Variants in SLCO2A1 observed in about 807,000 individuals in gnomAD.
SLCO2A1 encodes solute carrier organic anion transporter family member 2A1.
Under a neutral mutation model 71.7 loss-of-function variants are expected in SLCO2A1, and 60 were observed. The ratio of observed to expected loss-of-function variants is 0.84; its 90% CI spans 0.68 to 1.04. SLCO2A1 has a LOEUF of 1.04. Among genes scored for constraint, SLCO2A1 ranks in the 50% least tolerant of loss-of-function variants. The pLI, the probability that SLCO2A1 is intolerant of heterozygous loss-of-function variation, is 0.00. For missense variants in SLCO2A1, 745 were observed against 813.4 expected (o/e 0.92, Z 1.02); for synonymous variants, 308 against 326.7 (o/e 0.94, Z 0.62).
chr3:133,967,967 C>T (rs71630019), intron 3 of SLCO2A1, among the ~76,000 whole-genome samples: 8,400 of 99,190 alleles, frequency 0.085, 675 homozygotes, highest in Middle Eastern at 0.15. Flanking sequence ...GACATGGACC[C>T]CTCCTCACCT....
chr3:134,022,363 G>A (rs1195190460), intron 1 of SLCO2A1, among the ~76,000 whole-genome samples: 1 of 151,894 alleles, frequency 6.6e-6, no homozygotes, highest in East Asian at 1.9e-4. Flanking sequence ...ATATACCTTT[G>A]GTAAAAAGAT....
At chr3:133,941,915 T>C in intron 11 of SLCO2A1, among the ~76,000 whole-genome samples, 1 of 152,228 alleles carries the variant, frequency 6.6e-6, no homozygotes, top group East Asian at 1.9e-4. Flanking sequence ...ATTTCCATGG[T>C]GTGGAGCCAG....
rs368570008 is a variant in SLCO2A1 at position 133,945,140 on chromosome 3, G to A, written c.1416C>T (p.Ala472=). The A allele has an allele frequency of 3.0e-5, 48 of 1,613,872 alleles. No homozygotes were observed. Among genetic ancestry groups the A allele is most frequent in the African/African-American group, 1.3e-4 (10 of 74,906 alleles). Residue 472 remains alanine (A), a synonymous_variant, in exon 10 of 14, where the codon GCC becomes GCT. Coordinates refer to ENST00000310926, the MANE Select transcript of SLCO2A1 (RefSeq NM_005630.3). ...NGIEYLSPCH[A]GCSNINMSSA... is the part of the protein sequence containing the mutation. Reference sequence around the variant, plus strand: ...AGCTCATGTTGATGTTGCTGCAGCCGGCATGGCAAGGGGAGAGGTACTCGA... The same window carrying A: ...AGCTCATGTTGATGTTGCTGCAGCCAGCATGGCAAGGGGAGAGGTACTCGA...
At chr3:134,023,144 AC>A (rs751371572) in intron 1 of SLCO2A1, among the ~76,000 whole-genome samples, 57 of 152,012 alleles carry the variant, frequency 3.7e-4, no homozygotes, top group South Asian at 1.7e-3. Flanking sequence ...AAACAAACAA[AC>A]AAACAAACAA....
intron 1 of SLCO2A1, among the ~76,000 whole-genome samples, chr3:133,990,541 C>G: frequency 6.6e-6 from 1 of 152,176 alleles, no homozygotes; most frequent in Non-Finnish European, 1.5e-5. Context: ...TCCCACTACA[C>G]TCATGAGTCC....
intron 6 of SLCO2A1, 101 bp from the exon 7 acceptor site, chr3:133,949,072 G>A (rs1933668230): frequency 1.7e-5 from 17 of 1,002,584 alleles, no homozygotes; most frequent in Non-Finnish European, 2.3e-5. Flanking sequence ...AGGGCTGGGT[G>A]GAGGTGAGCC....
At position 133,933,716 on chromosome 3, in the gene SLCO2A1, C is replaced by T. The variant is rs947500450; in HGVS notation, c.*997G>A. The T allele has an allele frequency of 1.3e-5, 2 of 152,256 alleles. No homozygotes were observed. The highest frequency in any genetic ancestry group is 4.8e-5 in the African/African-American group (2 of 41,458). The allele number at this position is 152,256 out of a possible 1,614,324, so 9.4% of individuals were successfully genotyped here. Reference sequence around the variant, plus strand: ...GACATCCACTCTGCTTCATCACTTGCTTTGCTGACATCTCTTCTGCCTCTC... The same window carrying T: ...GACATCCACTCTGCTTCATCACTTGTTTTGCTGACATCTCTTCTGCCTCTC... On this transcript the variant is annotated 3_prime_UTR_variant, in exon 14 of 14. Coordinates refer to ENST00000310926, the MANE Select transcript of SLCO2A1 (RefSeq NM_005630.3).
intron 13 of SLCO2A1, 65 bp from the exon 14 acceptor site, chr3:133,934,895 G>A (rs992807829): frequency 7.7e-7 from 1 of 1,296,860 alleles, no homozygotes; most frequent in African/African-American, 1.4e-5. Context: ...CCAGGGCCAG[G>A]ACCACTGGGA....
At chr3:133,977,673 C>T (rs1934492730) in intron 2 of SLCO2A1, among the ~76,000 whole-genome samples, 1 of 152,112 alleles carries the variant, frequency 6.6e-6, no homozygotes, top group South Asian at 2.1e-4. Context: ...ATTAGGGATG[C>T]CTGCCAGGGT....
At chr3:133,959,989 T>G (rs1303834954) in intron 3 of SLCO2A1, among the ~76,000 whole-genome samples, 393 of 151,194 alleles carry the variant, frequency 2.6e-3, no homozygotes, top group African/African-American at 9.1e-3. Flanking sequence ...GCATGGTGGC[T>G]CGCACTTGTA....
Position 133,953,681 on chromosome 3 carries a change from A to T in SLCO2A1, c.706T>A (p.Tyr236Asn). The change falls in exon 5 of 14, where the codon TAT (tyrosine) becomes AAT (asparagine). Residue 236 changes from tyrosine (Y) to asparagine (N), a missense_variant. By Grantham distance (143) the Tyr-to-Asn change is moderately radical. Transcript: ENST00000310926. ...GSVMLQIFVD[Y>N]GRVNTAAVNL... Reference sequence around the variant, plus strand: ...TACTCACCTGTGTTGACCCTGCCATAGTCCACAAAGATCTGCAGCATGACA... The same window carrying T: ...TACTCACCTGTGTTGACCCTGCCATTGTCCACAAAGATCTGCAGCATGACA... 6.2e-7 allele frequency: 1 copy of T among 1,614,108 alleles called. No homozygotes were observed. Among genetic ancestry groups the T allele is most frequent in the Non-Finnish European group, 8.5e-7 (1 of 1,179,960 alleles).
intron 4 of SLCO2A1, among the ~76,000 whole-genome samples, chr3:133,954,038 TC>T (rs1345586945): frequency 6.6e-6 from 1 of 151,778 alleles, no homozygotes; most frequent in East Asian, 1.9e-4. Flanking sequence ...CAGGTGATGC[TC>T]CCTGTGGGTA....
chr3:134,024,233 G>A (rs889604931), intron 1 of SLCO2A1, among the ~76,000 whole-genome samples: 8 of 152,200 alleles, frequency 5.3e-5, no homozygotes, highest in African/African-American at 9.7e-5. Context: ...CAACCAGAAG[G>A]AGAAAAATAA....
intron 11 of SLCO2A1, among the ~76,000 whole-genome samples, chr3:133,941,583 ATGT>A (rs373965107): frequency 0.015 from 2,241 of 152,050 alleles, 31 homozygotes; most frequent in South Asian, 0.063. Context: ...TTTGGTACAA[ATGT>A]TGTTTTCTCC....
chr3:134,014,170 T>C (rs928842943), intron 1 of SLCO2A1, among the ~76,000 whole-genome samples: 1 of 152,170 alleles, frequency 6.6e-6, no homozygotes, highest in African/African-American at 2.4e-5. Context: ...TCCAGTAGTT[T>C]GCCACATTTC....
At chr3:133,951,423 G>C (rs1933744148) in intron 5 of SLCO2A1, 79 bp from the exon 6 acceptor site, 2 of 1,533,424 alleles carry the variant, frequency 1.3e-6, no homozygotes, top group African/African-American at 2.8e-5. Context: ...CTGATCAGGG[G>C]GAGTTTCACT....
At chr3:133,981,751 C>A (rs527834702) in intron 1 of SLCO2A1, among the ~76,000 whole-genome samples, 4 of 151,974 alleles carry the variant, frequency 2.6e-5, no homozygotes, top group Non-Finnish European at 5.9e-5. Flanking sequence ...TCGAAGCAGG[C>A]GGATCATGAG....
intron 3 of SLCO2A1, among the ~76,000 whole-genome samples, chr3:133,956,220 G>C (rs1933894161): frequency 1.3e-5 from 2 of 152,172 alleles, no homozygotes; most frequent in South Asian, 4.1e-4. Context: ...GTGAGCCTAA[G>C]TCCCACAGAG....
chr3:134,017,414 G>T (rs570659574), intron 1 of SLCO2A1, among the ~76,000 whole-genome samples: 1 of 152,104 alleles, frequency 6.6e-6, no homozygotes, highest in Non-Finnish European at 1.5e-5. Context: ...CCCAGATTCC[G>T]CAGTGATAAC....
Sources: allele counts gnomAD v4.1 joint callset (sites outside exome capture counted in the v4.1 genomes callset), GRCh38; gene constraint gnomAD v4.1.1; transcripts MANE v1.5; gene names NCBI Gene and HGNC (gene_info 2026-07-23, HGNC 2026-07-21).